CENPH: variants seen among roughly 807,000 people sequenced by gnomAD.
The protein encoded by CENPH is CENP-H.
Under a neutral mutation model 42.9 loss-of-function variants are expected in CENPH, and 40 were observed. The ratio of observed to expected loss-of-function variants is 0.93; its 90% CI spans 0.72 to 1.21. CENPH has a LOEUF of 1.21. CENPH is among the 50% of genes most tolerant of loss of function. CENPH has a pLI of 0.00. For synonymous variants in CENPH, 88 were observed against 96.5 expected (o/e 0.91, Z 0.52); for missense variants, 302 against 292.9 (o/e 1.03, Z -0.23).
intron 5 of CENPH, among the ~76,000 whole-genome samples, chr5:69,199,278 A>G (rs1021083088): frequency 3.3e-5 from 5 of 152,118 alleles, no homozygotes; most frequent in African/African-American, 1.2e-4. Context: ...TCCCAGGTTC[A>G]AGTGATCCAC....
chr5:69,193,646 CT>C (rs1561321125), intron 2 of CENPH, among the ~76,000 whole-genome samples: 1 of 149,712 alleles, frequency 6.7e-6, no homozygotes, highest in Non-Finnish European at 1.5e-5. Flanking sequence ...AGAACATTTT[CT>C]TTTTTTGTTT....
chr5:69,204,054 TATATATAAATATATATA>T (rs1296650535), intron 7 of CENPH, among the ~76,000 whole-genome samples: 1 of 60,764 alleles, frequency 1.6e-5, no homozygotes, highest in Non-Finnish European at 3.3e-5. Context: ...TTATATATTA[TATATATAAATATATATA>T]ATATATAAAT....
intron 8 of CENPH, 147 bp downstream of exon 8, chr5:69,208,506 C>A: frequency 2.1e-6 from 1 of 478,720 alleles, no homozygotes; most frequent in Non-Finnish European, 3.8e-6. Context: ...TTACAGGCGT[C>A]CACCACCATG....
chr5:69,196,846 C>A (rs910393044), intron 4 of CENPH, among the ~76,000 whole-genome samples: 1 of 152,046 alleles, frequency 6.6e-6, no homozygotes, highest in African/African-American at 2.4e-5. Flanking sequence ...CAGTGTATAC[C>A]CACACGCAAC....
chr5:69,195,887 T>TAGTCAAG (rs11283275), intron 4 of CENPH, 96 bp downstream of exon 4: 282,928 of 661,024 alleles, frequency 0.43, 62,403 homozygotes, highest in South Asian at 0.54. Context: ...CTGAGTGAAT[T>TAGTCAAG]AGTCAAGCAC....
rs1470209086 is a variant in CENPH at position 69,189,633 on chromosome 5, C to T, written c.-2C>T. On this transcript the variant is annotated 5_prime_UTR_variant, in exon 1 of 9. Transcript: ENST00000283006. ...AGTGGTAGCCTTTCCCCTCAACCAG[C>T]AATGGAGGAGCAGCCCCAGATGCAA... 1 of 1,599,460 alleles carries T rather than the reference C, an allele frequency of 6.3e-7. No homozygotes were observed. The highest frequency in any genetic ancestry group is 8.5e-7 in the Non-Finnish European group (1 of 1,175,640).
intron 7 of CENPH, among the ~76,000 whole-genome samples, chr5:69,206,549 C>T (rs904488559): frequency 4.6e-5 from 7 of 151,882 alleles, no homozygotes; most frequent in African/African-American, 1.2e-4. Context: ...AGTGCAATGG[C>T]GTGATCTCGG....
intron 1 of CENPH, 65 bp from the exon 2 acceptor site, chr5:69,191,730 T>A: frequency 2.3e-6 from 2 of 887,230 alleles, no homozygotes; most frequent in South Asian, 2.9e-5. Context: ...TGGTTCGTCA[T>A]GTGGTAATGA....
chr5:69,208,898 G>A (rs989157266), intron 8 of CENPH, among the ~76,000 whole-genome samples: 2 of 151,302 alleles, frequency 1.3e-5, no homozygotes, highest in Non-Finnish European at 3.0e-5. Flanking sequence ...GGGTTCAAGC[G>A]ATTCTCCTGC....
At position 69,202,987 on chromosome 5, in the gene CENPH, T is replaced by A. The variant is rs1386145088; in HGVS notation, c.487+17T>A. ...AGAGATTGCGTATGTAGAACACTTT[T>A]TTTTTGGCAGAACACATTTTGCTTA... On this transcript the variant is annotated intron_variant, in intron 7 of 8. Transcript: ENST00000283006. 1 of 1,560,022 alleles carries A rather than the reference T, an allele frequency of 6.4e-7. No individual in the cohort carries two copies.
At chr5:69,191,436 CG>C (rs1297321796) in intron 1 of CENPH, among the ~76,000 whole-genome samples, 1 of 152,090 alleles carries the variant, frequency 6.6e-6, no homozygotes, top group Admixed American at 6.6e-5. Flanking sequence ...GGCGTGAACC[CG>C]GGAGGCGGAG....
intron 7 of CENPH, among the ~76,000 whole-genome samples, chr5:69,205,692 C>CTGTAGAT (rs1468734174): frequency 7.4e-6 from 1 of 134,992 alleles, no homozygotes; most frequent in African/African-American, 2.8e-5. Flanking sequence ...TGTTTTTTTT[C>CTGTAGAT]TGTAGATATC....
intron 1 of CENPH, among the ~76,000 whole-genome samples, chr5:69,191,353 A>C (rs1374372570): frequency 6.6e-6 from 1 of 152,146 alleles, no homozygotes; most frequent in African/African-American, 2.4e-5. Context: ...TCTACTAAAA[A>C]TACAAAAAAT....
chr5:69,205,487 A>G (rs1204895009), intron 7 of CENPH, among the ~76,000 whole-genome samples: 1 of 152,058 alleles, frequency 6.6e-6, no homozygotes, highest in Non-Finnish European at 1.5e-5. Flanking sequence ...TCTGCCTCCC[A>G]AAGTGCTGGG....
chr5:69,198,183 G>A (rs974336807), intron 5 of CENPH, among the ~76,000 whole-genome samples: 9 of 151,976 alleles, frequency 5.9e-5, no homozygotes, highest in African/African-American at 1.9e-4. Context: ...GCCTCCCAAA[G>A]TCCTGGGATT....
At chr5:69,194,752 C>G in intron 3 of CENPH, 57 bp downstream of exon 3, 1 of 1,135,464 alleles carries the variant, frequency 8.8e-7, no homozygotes, top group African/African-American at 1.6e-5. Flanking sequence ...ATCATATTTT[C>G]TATTATTTTG....
intron 5 of CENPH, among the ~76,000 whole-genome samples, chr5:69,200,879 A>G (rs1265623295): frequency 6.6e-6 from 1 of 151,604 alleles, no homozygotes; most frequent in East Asian, 1.9e-4. Context: ...CTGGGATTAC[A>G]GACACACACC....
chr5:69,199,083 A>G (rs867863387), intron 5 of CENPH, among the ~76,000 whole-genome samples: 29 of 152,230 alleles, frequency 1.9e-4, no homozygotes, highest in African/African-American at 4.3e-4. Context: ...AATCACTGAC[A>G]TGAGTGTTGT....
At chr5:69,195,139 G>A (rs970799743) in intron 3 of CENPH, among the ~76,000 whole-genome samples, 31 of 152,164 alleles carry the variant, frequency 2.0e-4, no homozygotes, top group African/African-American at 7.5e-4. Context: ...TGAGGCAGGA[G>A]AATTGCTTGA....
Sources: allele counts gnomAD v4.1 joint callset (sites outside exome capture counted in the v4.1 genomes callset), GRCh38; gene constraint gnomAD v4.1.1; transcripts MANE v1.5; gene names NCBI Gene and HGNC (gene_info 2026-07-23, HGNC 2026-07-21).